INTS2: variants seen among roughly 807,000 people sequenced by gnomAD.
INTS2 encodes the protein integrator complex subunit 2, also known as KIAA1287.
Under a neutral mutation model 139.6 loss-of-function variants are expected in INTS2, and 57 were observed. The observed-to-expected ratio is 0.41, with a 90% CI of 0.33 to 0.51. The LOEUF (loss-of-function observed/expected upper bound fraction) is 0.51, where lower values mean the gene tolerates loss of function less well. Among genes scored for constraint, INTS2 ranks in the 20% least tolerant of loss-of-function variants. The pLI is 0.28. For synonymous variants in INTS2, 473 were observed against 493.4 expected (o/e 0.96, Z 0.55); for missense variants, 1,196 against 1,436.7 (o/e 0.83, Z 2.71).
At chr17:61,915,161 AC>A (rs2079567172) in intron 5 of INTS2, among the ~76,000 whole-genome samples, 1 of 151,668 alleles carries the variant, frequency 6.6e-6, no homozygotes, top group Non-Finnish European at 1.5e-5. Context: ...ACACAGTGAA[AC>A]CCCGTCTCTA....
At chr17:61,877,822 T>G in intron 18 of INTS2, 65 bp downstream of exon 18, 1 of 1,325,188 alleles carries the variant, frequency 7.5e-7, no homozygotes, top group Non-Finnish European at 1.1e-6. Context: ...CAATTAAATT[T>G]AGGTTATTGT....
In INTS2 at chr17:61,897,512, A is replaced by T; in HGVS notation, c.1451T>A (p.Leu484His). The change falls in exon 11 of 25, where the codon CTT (leucine) becomes CAT (histidine). Residue 484 changes from leucine to histidine, a missense_variant. Leu to His is a moderately conservative substitution (Grantham distance 99). Transcript: ENST00000251334. The surrounding 1 kb of genome is among the most constrained non-coding windows in gnomAD (Gnocchi z 4.4). ...ACAGACCAAGTCAATGATAGCACTA[A>T]GCTGGTTGCTGTGAAAGTACATAGC... ...LVAMYFHSNQ[L>H]SAIIDLVCST... 6.2e-7 allele frequency: 1 copy of T among 1,604,006 alleles called. No homozygotes were observed. The highest frequency in any genetic ancestry group is 8.5e-7 in the Non-Finnish European group (1 of 1,175,094).
chr17:61,884,000 A>G (rs2079202092), intron 16 of INTS2, among the ~76,000 whole-genome samples: 1 of 141,060 alleles, frequency 7.1e-6, no homozygotes, highest in Non-Finnish European at 1.6e-5. Flanking sequence ...CTTTCCCTAA[A>G]GAAAAAAAAA....
intron 16 of INTS2, 137 bp from the exon 17 acceptor site, chr17:61,881,308 A>G (rs1428054629): frequency 5.5e-6 from 4 of 723,080 alleles, no homozygotes; most frequent in Non-Finnish European, 8.8e-6. Flanking sequence ...TCAAAAAATG[A>G]TTAGATGGCC....
chr17:61,900,370 A>C (rs1272109879), intron 9 of INTS2, among the ~76,000 whole-genome samples: 1 of 152,228 alleles, frequency 6.6e-6, no homozygotes, highest in Non-Finnish European at 1.5e-5. Flanking sequence ...AGCAGAGAGA[A>C]GACTGGAGAT....
At chr17:61,901,577 C>CTTTTTTTTTT (rs55751869) in intron 9 of INTS2, among the ~76,000 whole-genome samples, 4 of 49,454 alleles carry the variant, frequency 8.1e-5, no homozygotes, top group South Asian at 5.1e-4. Flanking sequence ...AGAATGATTT[C>CTTTTTTTTTT]TTTTTTTTTT....
chr17:61,908,585 G>T (rs1300374186), intron 7 of INTS2, among the ~76,000 whole-genome samples: 1 of 152,114 alleles, frequency 6.6e-6, no homozygotes, highest in Non-Finnish European at 1.5e-5. Context: ...TATGAAAGCA[G>T]TTCTAAACTA....
At position 61,889,914 on chromosome 17, in the gene INTS2, T is replaced by C; in HGVS notation, c.1876-20A>G. The C allele has an allele frequency of 7.4e-7, 1 of 1,358,302 alleles. No individual in the cohort carries two copies. 84.1% of individuals were successfully genotyped at this position (1,358,302 alleles called of 1,614,324 possible). ...GTCACCCTGGAGGTAATATTACAAA[T>C]ACTCTGAAATACTCTGAATTTCACG... On this transcript the variant is annotated intron_variant, in intron 14 of 24. Transcript: ENST00000251334.
intron 11 of INTS2, among the ~76,000 whole-genome samples, chr17:61,896,887 T>C (rs944301943): frequency 3.9e-5 from 6 of 152,194 alleles, no homozygotes; most frequent in African/African-American, 1.2e-4. Context: ...GTCATACACT[T>C]TTCCTTAGCA....
Position 61,926,605 on chromosome 17 carries a change from C to T in INTS2, c.40G>A (p.Ala14Thr). ...TCCACCTTCTGCATTGCCTCAAAAG[C>T]AAAAGGGCTGACAAACTGAAGACTT... ...CTSLQFVSPF[A>T]FEAMQKVDVV... Residue 14 changes from alanine (A) to threonine (T), a missense_variant, in exon 2 of 25, where the codon GCT (alanine) becomes ACT (threonine). Physicochemically the swap from Ala to Thr is moderately conservative, Grantham distance 58 (BLOSUM62 0). Transcript: ENST00000251334. 1 of 1,612,094 alleles carries T rather than the reference C, an allele frequency of 6.2e-7. No individual in the cohort carries two copies. Among genetic ancestry groups the T allele is most frequent in the Non-Finnish European group, 8.5e-7 (1 of 1,178,980 alleles).
Position 61,866,925 on chromosome 17 carries a change from G to A in INTS2, c.*632C>T, listed in dbSNP as rs1167680601. ...TATTAATAAAAATTGAAGCAAATAT[G>A]TGAAATCTTTAAATCCTCATCTGTA... On this transcript the variant is annotated 3_prime_UTR_variant, in exon 25 of 25. Transcript: ENST00000251334. 4 of 152,172 alleles carry A rather than the reference G, an allele frequency of 2.6e-5. No individual in the cohort carries two copies. Among genetic ancestry groups the A allele is most frequent in the Non-Finnish European group, 5.9e-5 (4 of 68,036 alleles). 9.4% of individuals were successfully genotyped at this position (152,172 alleles called of 1,614,324 possible).
rs918331927 is a variant in INTS2, at chr17:61,865,920, ACTCATT to A, written c.*1631_*1636del. The A allele has an allele frequency of 2.2e-4, 33 of 152,656 alleles. No homozygotes were observed. The highest frequency in any genetic ancestry group is 7.7e-4 in the African/African-American group (32 of 41,546). The allele number at this position is 152,656 out of a possible 1,614,324, so 9.5% of individuals were successfully genotyped here. A position where few individuals can be genotyped will look rare whatever the true frequency, so the allele number is the denominator to read the frequency against. ...ACTTCATGATTTGAAACAGCTACAA[ACTCATT>A]CTCATAGAATATGAGGTAGGGCCAG... On this transcript the variant is annotated 3_prime_UTR_variant, in exon 25 of 25. Coordinates refer to ENST00000251334, the MANE Select transcript of INTS2 (RefSeq NM_001351695.2). The surrounding 1 kb of genome is among the most constrained non-coding windows in gnomAD (Gnocchi z 4.8).
chr17:61,888,564 C>CGTGCGTGCGTGT (rs755542102), intron 15 of INTS2, among the ~76,000 whole-genome samples: 10,861 of 119,548 alleles, frequency 0.091, 1,356 homozygotes, highest in African/African-American at 0.29. Flanking sequence ...TGTGTGCGTG[C>CGTGCGTGCGTGT]GTGTGTGTGT....
At chr17:61,885,702 G>GT (rs1040337708) in intron 15 of INTS2, among the ~76,000 whole-genome samples, 3 of 144,834 alleles carry the variant, frequency 2.1e-5, no homozygotes, top group South Asian at 2.2e-4. Context: ...GATTACAGGC[G>GT]TGAGTCACTG....
chr17:61,911,525 G>C lies in INTS2; in HGVS notation c.949C>G (p.Gln317Glu). The C allele has an allele frequency of 6.2e-7, 1 of 1,613,784 alleles. No homozygotes were observed. The highest frequency in any genetic ancestry group is 1.1e-5 in the South Asian group (1 of 91,066). ...TWFGTFIRNG[Q>E]QRKRETSSSV... ...TACAGATATTTAACCCTCACCTGCT[G>C]TCCATTTCGGATAAAAGTTCCAAAC... is the stretch of plus-strand genomic sequence containing the variant. The change falls in exon 7 of 25, where the codon CAG (glutamine) becomes GAG (glutamate). Residue 317 changes from glutamine to glutamate, a missense_variant. Physicochemically the swap from Gln to Glu is conservative, Grantham distance 29. This residue lies in a region of INTS2 where 1,129 missense variants were observed against 1,341.9 expected (regional missense o/e 0.84). Coordinates refer to ENST00000251334, the MANE Select transcript of INTS2 (RefSeq NM_001351695.2).
Position 61,889,906 on chromosome 17 carries a change from A to G in INTS2, c.1876-12T>C, listed in dbSNP as rs2079272764. 5 of 1,530,556 alleles carry G rather than the reference A, an allele frequency of 3.3e-6. No homozygotes were observed. The East Asian group carries it at 1.1e-4, about 35-fold the overall frequency. The allele number at this position is 1,530,556 out of a possible 1,614,324, so 94.8% of individuals were successfully genotyped here. On this transcript the variant is annotated splice_polypyrimidine_tract_variant and intron_variant, in intron 14 of 24. Transcript: ENST00000251334. Reference sequence around the variant, plus strand: ...CGGATGTTGTCACCCTGGAGGTAATATTACAAATACTCTGAAATACTCTGA... The same window carrying G: ...CGGATGTTGTCACCCTGGAGGTAATGTTACAAATACTCTGAAATACTCTGA...
chr17:61,880,528 G>C (rs1646658680), intron 17 of INTS2, among the ~76,000 whole-genome samples: 1 of 152,064 alleles, frequency 6.6e-6, no homozygotes, highest in South Asian at 2.1e-4. Flanking sequence ...GAGGCAGGAG[G>C]ATCACTCAAA....
chr17:61,927,700 G>C lies in INTS2; in HGVS notation c.-65C>G. On this transcript the variant is annotated 5_prime_UTR_variant, in exon 1 of 25. Coordinates refer to ENST00000251334, the MANE Select transcript of INTS2 (RefSeq NM_001351695.2). The stretch of plus-strand genomic sequence containing the variant: ...TCACGGAACCGCACACGGACTCCGC[G>C]TCCTAGAGGCGGGACGCGGCAGAAA... 6.9e-7 allele frequency: 1 copy of C among 1,444,428 alleles called. No individual in the cohort carries two copies. The highest frequency in any genetic ancestry group is 2.4e-4 in the Middle Eastern group (1 of 4,176). 89.5% of individuals were successfully genotyped at this position (1,444,428 alleles called of 1,614,324 possible). A position where few individuals can be genotyped will look rare whatever the true frequency, so the allele number is the denominator to read the frequency against.
intron 9 of INTS2, among the ~76,000 whole-genome samples, chr17:61,899,759 A>G (rs897724301): frequency 6.6e-6 from 1 of 152,000 alleles, no homozygotes; most frequent in African/African-American, 2.4e-5. Context: ...AAAAAATTTA[A>G]AAATTAGACA....
Sources: gnomAD v4.1 joint callset for allele counts (sites outside exome capture counted in the v4.1 genomes callset) on GRCh38, gnomAD v4.1.1 for gene constraint, gnomAD v4.1.1 regional missense constraint, Gnocchi (gnomAD v3.1) non-coding constraint, MANE v1.5 for transcripts, NCBI Gene and HGNC (gene_info 2026-07-23, HGNC 2026-07-21) for gene names.